TSBP1: variants seen among roughly 807,000 people sequenced by gnomAD.
TSBP1 encodes the protein testis-expressed basic protein 1.
In TSBP1, 56 loss-of-function variants were observed where a neutral mutation model predicts 68.8. That is an observed-to-expected ratio of 0.81 (90% CI 0.66 to 1.02). TSBP1 has a LOEUF of 1.02. Ranked by LOEUF, TSBP1 falls within the 50% of genes least tolerant of loss-of-function variation. TSBP1 has a pLI of 0.00. For synonymous variants in TSBP1, 171 were observed against 208.7 expected, an observed-to-expected ratio of 0.82 and a Z score of 1.56; for missense variants, 502 against 641.2, an observed-to-expected ratio of 0.78 and a Z score of 2.34.
At chr6:32,313,436 C>T (rs1251586372) in intron 19 of TSBP1, among the ~76,000 whole-genome samples, 1 of 152,162 alleles carries the variant, frequency 6.6e-6, no homozygotes, top group African/African-American at 2.4e-5. Context: ...GCATTAATAT[C>T]TTTGAAGACT....
At chr6:32,350,208 C>A in intron 8 of TSBP1, 1 of 463,158 alleles carries the variant, frequency 2.2e-6, no homozygotes, top group Non-Finnish European at 4.3e-6. Flanking sequence ...TACCACCTAA[C>A]TGCTTCAACA....
In TSBP1 at chr6:32,325,706, A is replaced by G; in HGVS notation, c.515-2092T>C. On this transcript the variant is annotated intron_variant, in intron 16 of 22. Transcript: ENST00000612031. This position sits in a 1 kb window ranked among gnomAD's most constrained non-coding sequence, Gnocchi z 4.4. ...CCATGACTCCGTGGATAAGACTGTC[A>G]TTCAGAAATACCACAGTGTGAATGG... 1 of 1,067,184 alleles carries G rather than the reference A, an allele frequency of 9.4e-7. No individual in the cohort carries two copies. Among genetic ancestry groups the G allele is most frequent in the Non-Finnish European group, 1.4e-6 (1 of 696,554 alleles). The allele number at this position is 1,067,184 out of a possible 1,614,324, so 66.1% of individuals were successfully genotyped here.
At chr6:32,309,060 C>A (rs1465228203) in intron 19 of TSBP1, among the ~76,000 whole-genome samples, 1 of 151,400 alleles carries the variant, frequency 6.6e-6, no homozygotes, top group Non-Finnish European at 1.5e-5. Context: ...AGCAATCCTC[C>A]CACCTCAGCC....
In TSBP1 at chr6:32,302,431, G is replaced by C. The variant is rs1206270188; in HGVS notation, c.601+178C>G. Among the ~76,000 whole-genome samples the C allele has an allele frequency of 1.3e-5, 2 of 152,132 alleles. No individual in the cohort carries two copies. Among genetic ancestry groups the C allele is most frequent in the Non-Finnish European group, 2.9e-5 (2 of 68,032 alleles). Reference sequence around the variant, plus strand: ...ATCACACCACTGCACTCCAGGCTAGGTGACAGAGCAAGACCCTGTCTCAGA... The same window carrying C: ...ATCACACCACTGCACTCCAGGCTAGCTGACAGAGCAAGACCCTGTCTCAGA... On this transcript the variant is annotated intron_variant, in intron 20 of 22. Coordinates refer to ENST00000612031, the Ensembl canonical transcript of TSBP1. This position sits in a 1 kb window ranked among gnomAD's most constrained non-coding sequence, Gnocchi z 5.1.
rs1160145037 is a variant in TSBP1, at chr6:32,314,211, G to GACTT, written c.580+1557_580+1560dup. Among the ~76,000 whole-genome samples the GACTT allele has an allele frequency of 6.6e-6, 1 of 152,116 alleles. No individual in the cohort carries two copies. ...TTCATTTAAAAATATTTCCAGCCAA[G>GACTT]ACTTAGCCAGCCAAAAATGAGGTGT... On this transcript the variant is annotated intron_variant, in intron 19 of 22. Transcript: ENST00000612031. The surrounding 1 kb of genome is among the most constrained non-coding windows in gnomAD (Gnocchi z 4.2).
At position 32,310,761 on chromosome 6, in the gene TSBP1, A is replaced by ATATATATATTTTTT; in HGVS notation, c.580+5010_580+5011insAAAAAATATATATA. Among the ~76,000 whole-genome samples, 15 of 144,834 alleles carry ATATATATATTTTTT rather than the reference A, an allele frequency of 1.0e-4. 1 individual carries two copies. In the East Asian group the frequency reaches 2.2e-3, roughly 21 times the overall value. ...TATATATACATATATATATATATAT[A>ATATATATATTTTTT]TTTTTAATCTTTTTAGAAAGGATAG... On this transcript the variant is annotated intron_variant, in intron 19 of 22. Coordinates refer to ENST00000612031, the Ensembl canonical transcript of TSBP1.
intron 8 of TSBP1, chr6:32,350,021 G>C: frequency 2.9e-6 from 2 of 692,288 alleles, no homozygotes; most frequent in South Asian, 3.0e-5. Context: ...AATATTTTTG[G>C]AGATTGCTAG....
At chr6:32,367,797 G>T in intron 4 of TSBP1, 128 bp downstream of exon 4, 1 of 640,024 alleles carries the variant, frequency 1.6e-6, no homozygotes, top group Non-Finnish European at 2.6e-6. Flanking sequence ...GGAGTGATAA[G>T]CATTTGAATA....
intron 9 of TSBP1, among the ~76,000 whole-genome samples, chr6:32,344,139 G>T (rs2127618007): frequency 6.6e-6 from 1 of 150,748 alleles, no homozygotes; most frequent in Non-Finnish European, 1.5e-5. Context: ...AAGTTTTAGG[G>T]TACATGTGCA....
At chr6:32,324,736 A>AT (rs201177382) in intron 16 of TSBP1, 659 of 1,516,382 alleles carry the variant, frequency 4.3e-4, no homozygotes, top group African/African-American at 5.9e-4. Flanking sequence ...TTTCCTACTC[A>AT]TTTTTTTTTC....
At chr6:32,370,944 G>T (rs1774352755) in intron 1 of TSBP1, among the ~76,000 whole-genome samples, 2 of 152,154 alleles carry the variant, frequency 1.3e-5, no homozygotes, top group African/African-American at 4.8e-5. Context: ...AGCTCTGAAA[G>T]ACTAGGAAAG....
chr6:32,320,074 G>T, intron 18 of TSBP1: 1 of 451,634 alleles, frequency 2.2e-6, no homozygotes, highest in Admixed American at 2.4e-5. Context: ...CACTCACATG[G>T]TGCTGGATTT....
chr6:32,335,442 G>T lies in TSBP1; in HGVS notation c.467C>A (p.Thr156Asn). Reference sequence around the variant, plus strand: ...TTGAGAATCAGATGACTTACCAATGGTTTTTTGAGAGAGCTCTAAAAAAAA... The same window carrying T: ...TTGAGAATCAGATGACTTACCAATGTTTTTTTGAGAGAGCTCTAAAAAAAA... Residue 156 changes from threonine to asparagine, a missense_variant, in exon 14 of 23, where the codon ACC becomes AAC. Physicochemically the swap from Thr to Asn is moderately conservative, Grantham distance 65. Coordinates refer to ENST00000612031, the Ensembl canonical transcript of TSBP1. The surrounding 1 kb of genome is among the most constrained non-coding windows in gnomAD (Gnocchi z 5.5). The T allele has an allele frequency of 6.7e-7, 1 of 1,492,790 alleles. No homozygotes were observed. Among genetic ancestry groups the T allele is most frequent in the South Asian group, 1.3e-5 (1 of 74,768 alleles). The allele number at this position is 1,492,790 out of a possible 1,614,324, so 92.5% of individuals were successfully genotyped here.
intron 1 of TSBP1, among the ~76,000 whole-genome samples, chr6:32,370,584 C>G (rs1774295627): frequency 6.6e-6 from 1 of 151,866 alleles, no homozygotes. Flanking sequence ...AAAGCCACAG[C>G]AAAGGACAGA....
Position 32,361,639 on chromosome 6 carries a change from A to G in TSBP1, c.217+4528T>C, listed in dbSNP as rs1448879757. Among the ~76,000 whole-genome samples, 1 of 151,728 alleles carries G rather than the reference A, an allele frequency of 6.6e-6. No individual in the cohort carries two copies. The highest frequency in any genetic ancestry group is 1.5e-5 in the Non-Finnish European group (1 of 67,876). On this transcript the variant is annotated intron_variant, in intron 6 of 22. Transcript: ENST00000612031. This position sits in a 1 kb window ranked among gnomAD's most constrained non-coding sequence, Gnocchi z 4.3. ...TCTCTGATGGCCAGTGATGATGAGTATTTTTTCATATGTCTGTTGGCTGCG... is the reference window on the plus strand; with the variant it reads ...TCTCTGATGGCCAGTGATGATGAGTGTTTTTTCATATGTCTGTTGGCTGCG...
chr6:32,370,777 A>G (rs978630650), intron 1 of TSBP1, among the ~76,000 whole-genome samples: 6 of 151,978 alleles, frequency 3.9e-5, no homozygotes, highest in African/African-American at 1.4e-4. Context: ...TTGCAGTCAT[A>G]GGAGAGAAAA....
intron 18 of TSBP1, among the ~76,000 whole-genome samples, chr6:32,318,984 T>G (rs498422): frequency 0.14 from 21,154 of 152,100 alleles, 2,499 homozygotes; most frequent in African/African-American, 0.31. Flanking sequence ...AATGCATCAT[T>G]AAGGGACAGA....
chr6:32,307,030 T>A (rs1765836494), intron 19 of TSBP1, among the ~76,000 whole-genome samples: 2 of 143,422 alleles, frequency 1.4e-5, no homozygotes, highest in Non-Finnish European at 3.1e-5. Context: ...TAATCAAAAT[T>A]ATTCTGTTAT....
At chr6:32,300,030 A>G in intron 21 of TSBP1, 94 bp from the exon 25 acceptor site, 1 of 1,037,990 alleles carries the variant, frequency 9.6e-7, no homozygotes, top group Admixed American at 1.7e-5. Context: ...GAACTTAGAA[A>G]CAGGACTTGG....
Sources: allele counts gnomAD v4.1 joint callset (sites outside exome capture counted in the v4.1 genomes callset), GRCh38; gene constraint gnomAD v4.1.1; non-coding constraint Gnocchi (gnomAD v3.1); transcripts MANE v1.5; gene names NCBI Gene and HGNC (gene_info 2026-07-23, HGNC 2026-07-21).